Variants in GHR observed in about 807,000 individuals in gnomAD.
The protein encoded by GHR is growth hormone receptor.
GHR carries 35 observed loss-of-function variants against 67.1 expected under a neutral mutation model. That is an observed-to-expected ratio of 0.52 (90% CI 0.40 to 0.69). The LOEUF is 0.69. Among genes scored for constraint, GHR ranks in the 30% least tolerant of loss-of-function variants. The pLI, the probability that GHR is intolerant of heterozygous loss-of-function variation, is 0.00. For missense variants in GHR, 792 were observed against 764.6 expected, an observed-to-expected ratio of 1.04 and a Z score of -0.42; for synonymous variants, 272 against 269.1, an observed-to-expected ratio of 1.01 and a Z score of -0.10.
chr5:42,475,723 A>G (rs1745275924), intron 1 of GHR, among the ~76,000 whole-genome samples: 1 of 152,128 alleles, frequency 6.6e-6, no homozygotes, highest in South Asian at 2.1e-4. Flanking sequence ...GAATCAGCGA[A>G]AAGTCAGAGT....
At chr5:42,711,923 C>T (rs926645240) in intron 7 of GHR, among the ~76,000 whole-genome samples, 4 of 151,830 alleles carry the variant, frequency 2.6e-5, no homozygotes, top group East Asian at 3.9e-4. Flanking sequence ...TTAAAGGAGA[C>T]GTGGAACATT....
At chr5:42,497,613 C>T (rs1746373636) in intron 1 of GHR, among the ~76,000 whole-genome samples, 1 of 152,162 alleles carries the variant, frequency 6.6e-6, no homozygotes. Context: ...ACTACAAGGG[C>T]ATTGTTTAGT....
At chr5:42,594,044 C>T (rs1053851480) in intron 2 of GHR, among the ~76,000 whole-genome samples, 10 of 152,142 alleles carry the variant, frequency 6.6e-5, no homozygotes, top group African/African-American at 2.2e-4. Context: ...AAAATCCTTG[C>T]CATTGGAGAA....
At chr5:42,701,793 G>T (rs1273159982) in intron 6 of GHR, among the ~76,000 whole-genome samples, 1 of 151,996 alleles carries the variant, frequency 6.6e-6, no homozygotes, top group African/African-American at 2.4e-5. Context: ...TAATTATATT[G>T]TGTAATAAAA....
At chr5:42,641,431 TC>T (rs1232150853) in intron 3 of GHR, among the ~76,000 whole-genome samples, 2 of 152,118 alleles carry the variant, frequency 1.3e-5, no homozygotes, top group African/African-American at 4.8e-5. Flanking sequence ...GCTTTGATGA[TC>T]AATTTTAACA....
chr5:42,662,511 TA>T (rs1457826119), intron 3 of GHR, among the ~76,000 whole-genome samples: 1 of 152,108 alleles, frequency 6.6e-6, no homozygotes, highest in African/African-American at 2.4e-5. Flanking sequence ...GACTACTGGG[TA>T]CATAACAAAA....
At chr5:42,694,702 A>G (rs888892162) in intron 4 of GHR, among the ~76,000 whole-genome samples, 8 of 152,216 alleles carry the variant, frequency 5.3e-5, no homozygotes, top group East Asian at 1.9e-4. Flanking sequence ...AAGTTTTACC[A>G]TAGGCAGAAG....
chr5:42,449,638 G>A (rs1743963289), intron 1 of GHR, among the ~76,000 whole-genome samples: 2 of 152,078 alleles, frequency 1.3e-5, no homozygotes, highest in Non-Finnish European at 2.9e-5. Flanking sequence ...TCTTTCTCTT[G>A]TCTAATCACT....
At chr5:42,476,410 A>G (rs1579775996) in intron 1 of GHR, among the ~76,000 whole-genome samples, 2 of 149,962 alleles carry the variant, frequency 1.3e-5, no homozygotes, top group East Asian at 2.0e-4. Flanking sequence ...TAGTAGAGAC[A>G]GGGTTTCACC....
At chr5:42,628,174 T>C (rs1233703258) in intron 2 of GHR, among the ~76,000 whole-genome samples, 3 of 152,196 alleles carry the variant, frequency 2.0e-5, no homozygotes, top group Non-Finnish European at 4.4e-5. Flanking sequence ...GGTCTGTTGG[T>C]CTGCTGGTCT....
chr5:42,460,777 G>A (rs930632923), intron 1 of GHR, among the ~76,000 whole-genome samples: 1 of 152,116 alleles, frequency 6.6e-6, no homozygotes, highest in African/African-American at 2.4e-5. Context: ...TAATAATGAA[G>A]GCTATATTAA....
Position 42,711,358 on chromosome 5 carries a change from T to A in GHR, c.770T>A (p.Phe257Tyr). 1 of 1,610,966 alleles carries A rather than the reference T, an allele frequency of 6.2e-7. No homozygotes were observed. Among genetic ancestry groups the A allele is most frequent in the Non-Finnish European group, 8.5e-7 (1 of 1,177,124 alleles). ...GTAACACTTCCTCAGATGAGCCAAT[T>A]TACATGTGAAGAAGGTAAAAGAAAT... ...LYVTLPQMSQ[F>Y]TCEEDFYFPW... Residue 257 changes from phenylalanine to tyrosine, a missense_variant, in exon 7 of 10, where the codon TTT (phenylalanine) becomes TAT (tyrosine). Physicochemically the swap from Phe to Tyr is conservative, Grantham distance 22 (BLOSUM62 3). Transcript: ENST00000230882.
intron 6 of GHR, among the ~76,000 whole-genome samples, chr5:42,708,230 A>G (rs1247352987): frequency 1.3e-5 from 2 of 152,180 alleles, no homozygotes. Context: ...TGAAAAGTTT[A>G]TTAAAATATT....
chr5:42,585,068 G>T (rs1393183478), intron 2 of GHR, among the ~76,000 whole-genome samples: 1 of 152,156 alleles, frequency 6.6e-6, no homozygotes, highest in Non-Finnish European at 1.5e-5. Flanking sequence ...TTGTCCAAAG[G>T]ATTCCTCAAG....
chr5:42,546,551 C>CTGGG (rs1748740733), intron 1 of GHR, among the ~76,000 whole-genome samples: 1 of 152,192 alleles, frequency 6.6e-6, no homozygotes, highest in South Asian at 2.1e-4. Context: ...ATGCCTTTCA[C>CTGGG]TGGGTTCTAT....
intron 2 of GHR, among the ~76,000 whole-genome samples, chr5:42,570,769 A>G (rs1014640998): frequency 6.6e-6 from 1 of 152,198 alleles, no homozygotes; most frequent in African/African-American, 2.4e-5. Flanking sequence ...ACATAATTTA[A>G]TTGTGATCCT....
At chr5:42,581,299 G>A (rs766451585) in intron 2 of GHR, among the ~76,000 whole-genome samples, 19 of 152,294 alleles carry the variant, frequency 1.2e-4, no homozygotes, top group Middle Eastern at 3.4e-3. Flanking sequence ...TGTCAGTGGA[G>A]TTTTAGAATT....
At chr5:42,432,227 TA>T (rs1743126020) in intron 1 of GHR, among the ~76,000 whole-genome samples, 1 of 152,204 alleles carries the variant, frequency 6.6e-6, no homozygotes, top group Non-Finnish European at 1.5e-5. Context: ...TTTCTTGCTT[TA>T]AAAAATGCAC....
chr5:42,672,887 A>C (rs1415810449), intron 3 of GHR, among the ~76,000 whole-genome samples: 1 of 152,196 alleles, frequency 6.6e-6, no homozygotes, highest in Non-Finnish European at 1.5e-5. Context: ...CTGAGTTCTC[A>C]AAAGCAATTT....
Sources: gnomAD v4.1 joint callset for allele counts (sites outside exome capture counted in the v4.1 genomes callset) on GRCh38, gnomAD v4.1.1 for gene constraint, MANE v1.5 for transcripts, NCBI Gene and HGNC (gene_info 2026-07-23, HGNC 2026-07-21) for gene names.